FRAS1: variants seen among roughly 807,000 people sequenced by gnomAD.
FRAS1 encodes Fraser extracellular matrix complex subunit 1.
In FRAS1, 290 loss-of-function variants were observed where a neutral mutation model predicts 435.2. That is an observed-to-expected ratio of 0.67 (90% CI 0.61 to 0.73). The LOEUF (loss-of-function observed/expected upper bound fraction) is 0.73. Among genes scored for constraint, FRAS1 ranks in the 30% least tolerant of loss-of-function variants. The pLI, the probability that FRAS1 is intolerant of heterozygous loss-of-function variation, is 0.00. For synonymous variants in FRAS1, 1,800 were observed against 1,851.0 expected (o/e 0.97, Z 0.71); for missense variants, 4,860 against 5,001.5 (o/e 0.97, Z 0.85).
chr4:78,471,368 T>A (rs963205189), intron 51 of FRAS1, among the ~76,000 whole-genome samples: 11 of 151,874 alleles, frequency 7.2e-5, no homozygotes, highest in Admixed American at 4.6e-4. Context: ...GGTTGGGTTT[T>A]AAAAAAAACA....
rs396790 is a variant in FRAS1, at chr4:78,337,708, G to A, written c.2313G>A (p.Pro771=). Residue 771 remains proline, a synonymous_variant, in exon 20 of 74, where the codon CCG becomes CCA. Transcript: ENST00000512123. ...CAACCTGCAGGCAGTGTCATGGGCCGTTGGAGTCTGACTGCATCTCCTGTT... is the reference window on the plus strand; with the variant it reads ...CAACCTGCAGGCAGTGTCATGGGCCATTGGAGTCTGACTGCATCTCCTGTT... The part of the protein sequence containing the change: ...CHPTCRQCHG[P]LESDCISCYP... 117 of 1,613,842 alleles carry A rather than the reference G, an allele frequency of 7.2e-5. No individual in the cohort carries two copies. The African/African-American group carries it at 1.3e-3, about 18-fold the overall frequency.
chr4:78,397,001 T>C (rs775090798), intron 29 of FRAS1, among the ~76,000 whole-genome samples: 33 of 152,214 alleles, frequency 2.2e-4, no homozygotes, highest in Non-Finnish European at 4.1e-4. Flanking sequence ...TTTAAGATGA[T>C]TATTTTGAAT....
At chr4:78,193,615 A>G (rs1330207112) in intron 2 of FRAS1, among the ~76,000 whole-genome samples, 1 of 151,478 alleles carries the variant, frequency 6.6e-6, no homozygotes, top group African/African-American at 2.4e-5. Context: ...TTTGTTTTCC[A>G]TTTGTTTGGT....
In FRAS1 at chr4:78,166,671, A is replaced by G. The variant is rs1046847782; in HGVS notation, c.109-70839A>G. Reference sequence around the variant, plus strand: ...GCAGTGGTTCCTTTGAATATAGCAAATAGAATTAATTTCAACCACTAGTAA... The same window carrying G: ...GCAGTGGTTCCTTTGAATATAGCAAGTAGAATTAATTTCAACCACTAGTAA... On this transcript the variant is annotated intron_variant, in intron 2 of 73. Transcript: ENST00000512123. 1.8e-4 allele frequency among the ~76,000 whole-genome samples: 28 copies of G among 152,166 alleles called. 1 individual carries two copies. Among genetic ancestry groups the G allele is most frequent in the Admixed American group, 1.3e-4 (2 of 15,272 alleles).
intron 29 of FRAS1, among the ~76,000 whole-genome samples, chr4:78,398,035 T>G (rs1392945733): frequency 1.3e-5 from 2 of 152,208 alleles, no homozygotes; most frequent in Non-Finnish European, 2.9e-5. Context: ...GAAGGTATTG[T>G]CATCTGCAGA....
intron 59 of FRAS1, among the ~76,000 whole-genome samples, 180 bp from the exon 60 acceptor site, chr4:78,496,625 G>A (rs1423420077): frequency 6.6e-6 from 1 of 152,172 alleles, no homozygotes; most frequent in Non-Finnish European, 1.5e-5. Flanking sequence ...ATATAGGTGG[G>A]TCCCACCCAA....
Position 78,281,388 on chromosome 4 carries a change from T to C in FRAS1, c.1072-10T>C. 5 of 1,561,830 alleles carry C rather than the reference T, an allele frequency of 3.2e-6. No homozygotes were observed. The highest frequency in any genetic ancestry group is 4.3e-6 in the Non-Finnish European group (5 of 1,152,964). ...AGTGGCATAATAAAGACATTTCTCTTTGTTCCTAGATGTCATCAAATGCTA... is the reference window on the plus strand; with the variant it reads ...AGTGGCATAATAAAGACATTTCTCTCTGTTCCTAGATGTCATCAAATGCTA... On this transcript the variant is annotated splice_polypyrimidine_tract_variant and intron_variant, in intron 10 of 73. Coordinates refer to ENST00000512123, the MANE Select transcript of FRAS1 (RefSeq NM_025074.7).
intron 4 of FRAS1, among the ~76,000 whole-genome samples, chr4:78,248,664 A>C (rs1180058394): frequency 6.6e-6 from 1 of 152,168 alleles, no homozygotes; most frequent in Non-Finnish European, 1.5e-5. Flanking sequence ...GAACATTCCC[A>C]GATATTTAGT....
intron 13 of FRAS1, among the ~76,000 whole-genome samples, chr4:78,285,414 C>T (rs533971345): frequency 2.4e-4 from 34 of 144,312 alleles, no homozygotes; most frequent in African/African-American, 8.0e-4. Context: ...GAATATTTAA[C>T]CTCTCTCTGC....
intron 59 of FRAS1, among the ~76,000 whole-genome samples, chr4:78,490,354 T>C (rs1290699215): frequency 6.6e-6 from 1 of 152,216 alleles, no homozygotes; most frequent in Admixed American, 6.5e-5. Flanking sequence ...AGAATATACA[T>C]TCTTCTCAGC....
intron 2 of FRAS1, among the ~76,000 whole-genome samples, chr4:78,195,070 G>A (rs1416834934): frequency 6.6e-6 from 1 of 152,228 alleles, no homozygotes; most frequent in African/African-American, 2.4e-5. Context: ...ATCAGAAGCA[G>A]AGGCTGCAGA....
intron 42 of FRAS1, chr4:78,446,181 G>C (rs531352787): frequency 2.0e-6 from 2 of 1,000,628 alleles, no homozygotes; most frequent in African/African-American, 3.5e-5. Context: ...AGAGACACAG[G>C]GGAGGGGAAA....
chr4:78,489,483 G>A (rs989422798), intron 59 of FRAS1, among the ~76,000 whole-genome samples: 1 of 152,168 alleles, frequency 6.6e-6, no homozygotes, highest in African/African-American at 2.4e-5. Flanking sequence ...CTGAAGAGAA[G>A]GAGGGAGAGG....
chr4:78,407,367 C>T (rs1386912889), intron 30 of FRAS1, among the ~76,000 whole-genome samples: 1 of 152,196 alleles, frequency 6.6e-6, no homozygotes, highest in Non-Finnish European at 1.5e-5. Flanking sequence ...GTATTTGCTA[C>T]TATCTGGCTC....
At chr4:78,340,611 A>G (rs1730359284) in intron 20 of FRAS1, among the ~76,000 whole-genome samples, 1 of 152,224 alleles carries the variant, frequency 6.6e-6, no homozygotes, top group South Asian at 2.1e-4. Context: ...TGGACTCTTT[A>G]GTGAATGAAA....
chr4:78,412,937 T>G, intron 31 of FRAS1, 32 bp from the exon 32 acceptor site: 139 of 1,403,176 alleles, frequency 9.9e-5, no homozygotes, highest in Non-Finnish European at 1.3e-4. Context: ...CAATAGAAGA[T>G]GAGAGGCTCA....
Position 78,147,126 on chromosome 4 carries a change from C to T in FRAS1, c.108+81110C>T, listed in dbSNP as rs370957745. 1.6e-4 allele frequency among the ~76,000 whole-genome samples: 25 copies of T among 152,268 alleles called. 2 individuals are homozygous for T. The highest frequency in any genetic ancestry group is 1.2e-3 in the Admixed American group (18 of 15,294). On this transcript the variant is annotated intron_variant, in intron 2 of 73. Coordinates refer to ENST00000512123, the MANE Select transcript of FRAS1 (RefSeq NM_025074.7). Reference sequence around the variant, plus strand: ...GCCCTGTCTTATATTATGTGTTCTCCTGTATTAAATTCCCAGAGTCTGGAA... The same window carrying T: ...GCCCTGTCTTATATTATGTGTTCTCTTGTATTAAATTCCCAGAGTCTGGAA...
chr4:78,456,889 A>G (rs922316796), intron 47 of FRAS1, among the ~76,000 whole-genome samples: 1 of 152,206 alleles, frequency 6.6e-6, no homozygotes, highest in Non-Finnish European at 1.5e-5. Context: ...TTCCCGGTAG[A>G]GCATATTGAA....
At chr4:78,409,018 TGGGAGGTGGAGGATCACTTGAGCC>T (rs1733215323) in intron 31 of FRAS1, among the ~76,000 whole-genome samples, 1 of 71,290 alleles carries the variant, frequency 1.4e-5, no homozygotes, top group Admixed American at 1.6e-4. Context: ...CACTTGAGCC[TGGGAGGTGGAGGATCACTTGAGCC>T]TGGGAGGTGG....
Sources: allele counts gnomAD v4.1 joint callset (sites outside exome capture counted in the v4.1 genomes callset), GRCh38; gene constraint gnomAD v4.1.1; transcripts MANE v1.5; gene names NCBI Gene and HGNC (gene_info 2026-07-23, HGNC 2026-07-21).